Variants in CDK6 observed in about 807,000 individuals in gnomAD.
CDK6 encodes cyclin dependent kinase 6, also known as cyclin-dependent kinase 6.
In CDK6, 6 loss-of-function variants were observed where a neutral mutation model predicts 37.1. That is an observed-to-expected ratio of 0.16 (90% CI 0.09 to 0.32). CDK6 has a LOEUF of 0.32. Ranked by LOEUF, CDK6 falls within the 10% of genes least tolerant of loss-of-function variation. The probability of loss-of-function intolerance (pLI) is 1.00; values close to 1 mark genes in which losing one functional copy is unlikely to be tolerated. For missense variants in CDK6, 224 were observed against 418.9 expected (o/e 0.53, Z 4.06); for synonymous variants, 160 against 161.3 (o/e 0.99, Z 0.06).
intron 2 of CDK6, among the ~76,000 whole-genome samples, chr7:92,780,972 T>C (rs941847334): frequency 3.9e-5 from 6 of 152,092 alleles, no homozygotes; most frequent in Non-Finnish European, 8.8e-5. Context: ...AGCAGTTCCA[T>C]AAGAAAAATG....
chr7:92,633,113 TA>T (rs1373042862), intron 5 of CDK6, among the ~76,000 whole-genome samples: 1 of 151,988 alleles, frequency 6.6e-6, no homozygotes, highest in Non-Finnish European at 1.5e-5. Flanking sequence ...AAGGACACAT[TA>T]AAAAAACTAT....
intron 5 of CDK6, among the ~76,000 whole-genome samples, chr7:92,629,330 A>G (rs1001768679): frequency 5.9e-5 from 9 of 152,180 alleles, no homozygotes; most frequent in East Asian, 1.9e-4. Flanking sequence ...TTTCCTTGTT[A>G]CCGATGTGAA....
intron 5 of CDK6, among the ~76,000 whole-genome samples, chr7:92,661,388 C>A (rs1044196127): frequency 2.6e-5 from 4 of 152,000 alleles, no homozygotes; most frequent in Non-Finnish European, 4.4e-5. Context: ...AGGTGCTGAC[C>A]CCCTGTGCAG....
chr7:92,681,134 T>G (rs78995809), intron 4 of CDK6, among the ~76,000 whole-genome samples: 1 of 152,290 alleles, frequency 6.6e-6, no homozygotes, highest in African/African-American at 2.4e-5. Context: ...TAACTTAATA[T>G]CTTTGAGTAA....
rs1416598045 is a variant in CDK6 at position 92,613,359 on chromosome 7, AATCTAACTGTTGCATG to A, written c.*1765_*1780del. On this transcript the variant is annotated 3_prime_UTR_variant, in exon 8 of 8. Transcript: ENST00000424848. ...CTTTGAAAATCCTAACCCTAAACAT[AATCTAACTGTTGCATG>A]ATCTAACTGTTGCATGCACTCTGAG... The A allele has an allele frequency of 3.9e-5, 9 of 233,504 alleles. No homozygotes were observed. Among genetic ancestry groups the A allele is most frequent in the African/African-American group, 8.8e-5 (4 of 45,466 alleles). 14.5% of individuals were successfully genotyped at this position (233,504 alleles called of 1,614,324 possible). A position where few individuals can be genotyped will look rare whatever the true frequency, so the allele number is the denominator to read the frequency against.
intron 4 of CDK6, among the ~76,000 whole-genome samples, chr7:92,680,602 C>T (rs191976132): frequency 4.8e-4 from 73 of 152,168 alleles, no homozygotes; most frequent in African/African-American, 1.7e-3. Context: ...CAGCAGGGAG[C>T]GCTGTGCCAA....
intron 5 of CDK6, among the ~76,000 whole-genome samples, chr7:92,638,149 T>C (rs1397266153): frequency 6.6e-6 from 1 of 152,252 alleles, no homozygotes; most frequent in Non-Finnish European, 1.5e-5. Flanking sequence ...CATTTTCATT[T>C]TCTTTATATG....
At chr7:92,725,006 A>G in intron 4 of CDK6, 1 of 921,882 alleles carries the variant, frequency 1.1e-6, no homozygotes, top group Non-Finnish European at 1.3e-6. Context: ...ATGGTTTTGC[A>G]GCTGAATGGC....
chr7:92,658,182 G>A (rs1796747877), intron 5 of CDK6, among the ~76,000 whole-genome samples: 1 of 152,154 alleles, frequency 6.6e-6, no homozygotes, highest in Non-Finnish European at 1.5e-5. Flanking sequence ...ACTTTTTGCA[G>A]GGTAATTTGG....
At chr7:92,703,586 G>A (rs973057667) in intron 4 of CDK6, among the ~76,000 whole-genome samples, 3 of 152,124 alleles carry the variant, frequency 2.0e-5, no homozygotes, top group Non-Finnish European at 4.4e-5. Context: ...TGACATGAAT[G>A]TGTTATATAA....
chr7:92,798,896 C>T (rs1800490064), intron 2 of CDK6, among the ~76,000 whole-genome samples: 1 of 152,242 alleles, frequency 6.6e-6, no homozygotes, highest in African/African-American at 2.4e-5. Context: ...ATCTTCTGTC[C>T]CTCATGATTC....
At chr7:92,821,020 G>A (rs1761830385) in intron 2 of CDK6, among the ~76,000 whole-genome samples, 1 of 152,024 alleles carries the variant, frequency 6.6e-6, no homozygotes, top group South Asian at 2.1e-4. Flanking sequence ...CCATTAAGAG[G>A]TGGTGTATGT....
At chr7:92,817,274 C>T (rs1801054099) in intron 2 of CDK6, among the ~76,000 whole-genome samples, 1 of 151,800 alleles carries the variant, frequency 6.6e-6, no homozygotes, top group Non-Finnish European at 1.5e-5. Context: ...ATATTCTTAA[C>T]AAAATTTTAG....
intron 3 of CDK6, among the ~76,000 whole-genome samples, chr7:92,735,843 C>A (rs1798772351): frequency 6.6e-6 from 1 of 152,116 alleles, no homozygotes; most frequent in African/African-American, 2.4e-5. Context: ...GCAAAAAAGC[C>A]ATAATCCTGC....
At chr7:92,818,056 TAG>T (rs1340382503) in intron 2 of CDK6, among the ~76,000 whole-genome samples, 1 of 151,988 alleles carries the variant, frequency 6.6e-6, no homozygotes, top group Non-Finnish European at 1.5e-5. Flanking sequence ...CCCTAATTAA[TAG>T]AGATTAAATG....
intron 2 of CDK6, among the ~76,000 whole-genome samples, chr7:92,825,486 C>A (rs566094797): frequency 2.7e-4 from 40 of 149,634 alleles, no homozygotes; most frequent in African/African-American, 8.8e-4. Context: ...ACACACACAC[C>A]CCAACCATAT....
intron 4 of CDK6, among the ~76,000 whole-genome samples, chr7:92,689,515 A>T (rs1334250184): frequency 6.6e-6 from 1 of 152,184 alleles, no homozygotes; most frequent in African/African-American, 2.4e-5. Context: ...ATTTGGGTTG[A>T]TTCCAAATAC....
intron 3 of CDK6, among the ~76,000 whole-genome samples, chr7:92,774,217 A>C (rs1219290147): frequency 6.6e-6 from 1 of 152,150 alleles, no homozygotes; most frequent in African/African-American, 2.4e-5. Context: ...AAAAATGAAG[A>C]AAGAAGGAGG....
At chr7:92,633,357 C>A (rs1796097816) in intron 5 of CDK6, among the ~76,000 whole-genome samples, 1 of 151,950 alleles carries the variant, frequency 6.6e-6, no homozygotes, top group African/African-American at 2.4e-5. Flanking sequence ...ACAGAACAGA[C>A]CTATTTGAAT....
Sources: gnomAD v4.1 joint callset for allele counts (sites outside exome capture counted in the v4.1 genomes callset) on GRCh38, gnomAD v4.1.1 for gene constraint, MANE v1.5 for transcripts, NCBI Gene and HGNC (gene_info 2026-07-23, HGNC 2026-07-21) for gene names.